The following DDX4 variants were observed in gnomAD, a reference collection of about 807,000 sequenced individuals.
DDX4 encodes DEAD-box helicase 4.
Under a neutral mutation model 100.0 loss-of-function variants are expected in DDX4, and 25 were observed. The observed-to-expected ratio is 0.25, with a 90% CI of 0.18 to 0.35. DDX4 has a LOEUF of 0.35. Among genes scored for constraint, DDX4 ranks in the 10% least tolerant of loss-of-function variants. DDX4 has a pLI of 1.00. For missense variants in DDX4, 635 were observed against 882.4 expected, an observed-to-expected ratio of 0.72 and a Z score of 3.55; for synonymous variants, 259 against 275.7, an observed-to-expected ratio of 0.94 and a Z score of 0.60.
intron 7 of DDX4, among the ~76,000 whole-genome samples, chr5:55,779,298 T>C (rs573952166): frequency 3.9e-5 from 6 of 152,356 alleles, no homozygotes; most frequent in African/African-American, 1.4e-4. Flanking sequence ...TATACTCTAA[T>C]ATTCAGAAAT....
At chr5:55,785,980 A>G (rs1742221492) in intron 13 of DDX4, 109 bp downstream of exon 13, 1 of 708,366 alleles carries the variant, frequency 1.4e-6, no homozygotes, top group Non-Finnish European at 2.4e-6. Context: ...CCTTTCGTAT[A>G]TAAGGTCTTA....
intron 17 of DDX4, among the ~76,000 whole-genome samples, chr5:55,796,815 CTTTCTTTCTTTTTT>C (rs1742975234): frequency 1.4e-5 from 1 of 71,210 alleles, no homozygotes; most frequent in Non-Finnish European, 3.2e-5. Context: ...TTCTTTTTTT[CTTTCTTTCTTTTTT>C]TTTTTTTTTT....
Position 55,787,981 on chromosome 5 carries a change from G to A in DDX4, c.1153G>A (p.Ala385Thr). Reference protein sequence around the residue: ...RELVNQIYLEARKFSFGTCVR... With the variant: ...RELVNQIYLETRKFSFGTCVR... ...ATTGGTCAACCAGATTTATTTGGAAGCCAGAAAATTTTCTTTTGGGTAAGT... is the reference window on the plus strand; with the variant it reads ...ATTGGTCAACCAGATTTATTTGGAAACCAGAAAATTTTCTTTTGGGTAAGT... Residue 385 changes from alanine (A) to threonine (T), a missense_variant, in exon 15 of 22, where the codon GCC becomes ACC. By Grantham distance (58) the Ala-to-Thr change is moderately conservative. Transcript: ENST00000505374. 2.5e-6 allele frequency: 4 copies of A among 1,612,972 alleles called. No homozygotes were observed. The highest frequency in any genetic ancestry group is 3.4e-6 in the Non-Finnish European group (4 of 1,179,636).
chr5:55,779,771 G>A (rs371171696), intron 7 of DDX4, among the ~76,000 whole-genome samples, 193 bp from the exon 8 acceptor site: 2 of 152,128 alleles, frequency 1.3e-5, no homozygotes, highest in Non-Finnish European at 2.9e-5. Context: ...TTAAAAAATT[G>A]TAGCCATATC....
chr5:55,772,232 A>G (rs1248094498), intron 7 of DDX4, among the ~76,000 whole-genome samples: 1 of 152,202 alleles, frequency 6.6e-6, no homozygotes, highest in African/African-American at 2.4e-5. Context: ...AGTAATTGTC[A>G]TTAATCTGGA....
chr5:55,789,528 G>A (rs1742429882), intron 15 of DDX4, among the ~76,000 whole-genome samples: 1 of 152,194 alleles, frequency 6.6e-6, no homozygotes, highest in Admixed American at 6.5e-5. Flanking sequence ...AGAGGAGGCT[G>A]TAATAGCTTT....
intron 9 of DDX4, 67 bp from the exon 10 acceptor site, chr5:55,781,867 A>G (rs1217660142): frequency 3.2e-6 from 5 of 1,561,296 alleles, no homozygotes; most frequent in Non-Finnish European, 4.4e-6. Context: ...AGAAATAACA[A>G]CATGGTTTGT....
chr5:55,767,006 C>G (rs1222657647), intron 6 of DDX4: 5 of 1,512,828 alleles, frequency 3.3e-6, no homozygotes, highest in Non-Finnish European at 4.4e-6. Context: ...ATCTCTCATA[C>G]TACTATTTTA....
intron 6 of DDX4, among the ~76,000 whole-genome samples, chr5:55,764,582 A>G (rs1740771662): frequency 1.3e-5 from 2 of 152,174 alleles, no homozygotes. Flanking sequence ...AATCTGATTG[A>G]GTCGATTTGG....
intron 17 of DDX4, 99 bp downstream of exon 17, chr5:55,792,906 T>C (rs1288238786): frequency 1.6e-5 from 12 of 755,458 alleles, no homozygotes; most frequent in African/African-American, 3.7e-5. Context: ...GATTTGTCGT[T>C]AAGATTTTAA....
intron 17 of DDX4, among the ~76,000 whole-genome samples, chr5:55,797,897 A>G (rs34642528): frequency 3.3e-5 from 5 of 152,184 alleles, no homozygotes; most frequent in Non-Finnish European, 5.9e-5. Context: ...TGCAAATACT[A>G]CTTTCTATGT....
At chr5:55,747,684 C>T (rs1759315791) in intron 3 of DDX4, among the ~76,000 whole-genome samples, 1 of 152,244 alleles carries the variant, frequency 6.6e-6, no homozygotes, top group African/African-American at 2.4e-5. Flanking sequence ...CCAGAACTTT[C>T]TTGTCTTCCC....
At chr5:55,770,682 A>G (rs945659767) in intron 7 of DDX4, among the ~76,000 whole-genome samples, 1 of 152,138 alleles carries the variant, frequency 6.6e-6, no homozygotes, top group Non-Finnish European at 1.5e-5. Flanking sequence ...GGCCCTCCCT[A>G]GTGAAGGTAG....
At chr5:55,811,538 A>G (rs969425304) in intron 18 of DDX4, among the ~76,000 whole-genome samples, 5 of 152,228 alleles carry the variant, frequency 3.3e-5, no homozygotes, top group Admixed American at 2.0e-4. Context: ...TTATGAGTTT[A>G]AAGGTAACAC....
intron 16 of DDX4, among the ~76,000 whole-genome samples, chr5:55,791,198 G>C (rs961437329): frequency 6.6e-6 from 1 of 152,042 alleles, no homozygotes; most frequent in African/African-American, 2.4e-5. Context: ...AGATTTTAGG[G>C]CCATGTACTT....
intron 18 of DDX4, among the ~76,000 whole-genome samples, chr5:55,806,462 A>G (rs1285262981): frequency 6.6e-6 from 1 of 152,152 alleles, no homozygotes; most frequent in Non-Finnish European, 1.5e-5. Context: ...GTGGGCATTT[A>G]GTGCTGTAAA....
At chr5:55,815,852 A>G (rs984358919) in intron 21 of DDX4, among the ~76,000 whole-genome samples, 9 of 149,108 alleles carry the variant, frequency 6.0e-5, no homozygotes, top group Admixed American at 6.7e-5. Context: ...GCTCACTGCA[A>G]CCTCCGCCTC....
chr5:55,742,097 T>C, intron 2 of DDX4: 1 of 447,812 alleles, frequency 2.2e-6, no homozygotes, highest in Non-Finnish European at 4.5e-6. Flanking sequence ...TTCTAAATTT[T>C]AAAGTGAGTG....
Position 55,798,437 on chromosome 5 carries a change from AGT to A in DDX4, c.1482_1483del (p.Glu494AspfsTer19). ...TTTTGTTTTTCAAGGTTGGCTGCAG[AGT>A]TTTTAAAGTCAAATTATCTGTTTGT... On this transcript the variant is annotated frameshift_variant, in exon 18 of 22. Transcript: ENST00000505374. LOFTEE classifies it high-confidence loss of function. 6.2e-7 allele frequency: 1 copy of A among 1,611,644 alleles called. No individual in the cohort carries two copies. Among genetic ancestry groups the A allele is most frequent in the Non-Finnish European group, 8.5e-7 (1 of 1,178,974 alleles).
Sources: gnomAD v4.1 joint callset for allele counts (sites outside exome capture counted in the v4.1 genomes callset) on GRCh38, gnomAD v4.1.1 for gene constraint, MANE v1.5 for transcripts, NCBI Gene and HGNC (gene_info 2026-07-23, HGNC 2026-07-21) for gene names.